BTLA: variants seen among roughly 807,000 people sequenced by gnomAD.
The protein encoded by BTLA is B- and T-lymphocyte attenuator.
Under a neutral mutation model 25.0 loss-of-function variants are expected in BTLA, and 11 were observed. That is an observed-to-expected ratio of 0.44 (90% CI 0.28 to 0.73). The LOEUF is 0.73. BTLA is among the 30% of genes least tolerant of loss of function. The pLI, the probability that BTLA is intolerant of heterozygous loss-of-function variation, is 0.15. For synonymous variants in BTLA, 104 were observed against 119.8 expected (o/e 0.87, Z 0.86); for missense variants, 282 against 332.8 (o/e 0.85, Z 1.19).
At chr3:112,492,791 G>A (rs565185461) in intron 1 of BTLA, among the ~76,000 whole-genome samples, 10 of 152,302 alleles carry the variant, frequency 6.6e-5, no homozygotes, top group African/African-American at 2.2e-4. Flanking sequence ...CAATGCCCCA[G>A]CCTCCCTTGT....
intron 2 of BTLA, among the ~76,000 whole-genome samples, chr3:112,474,726 G>A (rs1163160876): frequency 1.3e-5 from 2 of 152,208 alleles, no homozygotes; most frequent in Non-Finnish European, 2.9e-5. Context: ...GAGATTGAAA[G>A]GAGGGGTAGA....
intron 1 of BTLA, among the ~76,000 whole-genome samples, chr3:112,484,645 T>A (rs1186123546): frequency 6.6e-6 from 1 of 152,236 alleles, no homozygotes; most frequent in Non-Finnish European, 1.5e-5. Context: ...TCACTTGATG[T>A]TAGTGGCACA....
chr3:112,480,375 T>C (rs2082311684), intron 1 of BTLA, among the ~76,000 whole-genome samples: 3 of 152,212 alleles, frequency 2.0e-5, no homozygotes, highest in Non-Finnish European at 4.4e-5. Context: ...ACACAAAGCC[T>C]GTTTGGTGGT....
At position 112,499,264 on chromosome 3, in the gene BTLA, G is replaced by A. The variant is rs1363281954; in HGVS notation, c.88+7C>T. ...AAAACCAGAAATAACCTAAGCAGGT[G>A]CCTTACCATGGATGTTCCAGATGTC... On this transcript the variant is annotated splice_region_variant and intron_variant, in intron 1 of 4. Coordinates refer to ENST00000334529, the MANE Select transcript of BTLA (RefSeq NM_181780.4). The A allele has an allele frequency of 3.2e-6, 5 of 1,572,374 alleles. No individual in the cohort carries two copies. The highest frequency in any genetic ancestry group is 4.4e-6 in the Non-Finnish European group (5 of 1,142,328).
chr3:112,469,519 CCACTTAT>C (rs1325609711), intron 4 of BTLA, among the ~76,000 whole-genome samples: 116 of 150,738 alleles, frequency 7.7e-4, no homozygotes, highest in African/African-American at 2.7e-3. Flanking sequence ...TTCCAAAGAA[CCACTTAT>C]TACGAGACTT....
At chr3:112,467,235 T>C (rs1470824507) in intron 4 of BTLA, among the ~76,000 whole-genome samples, 2 of 152,172 alleles carry the variant, frequency 1.3e-5, no homozygotes, top group African/African-American at 2.4e-5. Flanking sequence ...GCGAGGATTA[T>C]AGACGTGAGC....
intron 1 of BTLA, among the ~76,000 whole-genome samples, chr3:112,492,256 G>A (rs1425399723): frequency 1.3e-5 from 2 of 152,172 alleles, no homozygotes; most frequent in African/African-American, 4.8e-5. Context: ...AATAGTAAAA[G>A]CTTCTAGTCA....
chr3:112,497,091 T>C (rs2082413392), intron 1 of BTLA, among the ~76,000 whole-genome samples: 1 of 152,374 alleles, frequency 6.6e-6, no homozygotes, highest in East Asian at 1.9e-4. Flanking sequence ...CAAAATATAT[T>C]GTACTTATTT....
intron 1 of BTLA, among the ~76,000 whole-genome samples, chr3:112,493,751 C>T (rs1419421424): frequency 2.0e-5 from 3 of 152,350 alleles, no homozygotes; most frequent in Admixed American, 6.5e-5. Flanking sequence ...ACCCGCCCTC[C>T]TCAGCTTCCT....
At chr3:112,472,351 TG>T (rs1047733312) in intron 2 of BTLA, among the ~76,000 whole-genome samples, 8 of 151,968 alleles carry the variant, frequency 5.3e-5, no homozygotes, top group South Asian at 4.2e-4. Context: ...TTGTTGTTGT[TG>T]TTTTTTTTAA....
At position 112,499,367 on chromosome 3, in the gene BTLA, C is replaced by T; in HGVS notation, c.-9G>A. ...GCAGGCAATGTCTTCATTTCCTGCACATATCAGTGATGGAAAAACTGCTCA... is the reference window on the plus strand; with the variant it reads ...GCAGGCAATGTCTTCATTTCCTGCATATATCAGTGATGGAAAAACTGCTCA... On this transcript the variant is annotated 5_prime_UTR_variant, in exon 1 of 5. It adds an upstream start codon to the 5' untranslated region. Coordinates refer to ENST00000334529, the MANE Select transcript of BTLA (RefSeq NM_181780.4). The T allele has an allele frequency of 6.2e-7, 1 of 1,611,502 alleles. No individual in the cohort carries two copies. Among genetic ancestry groups the T allele is most frequent in the African/African-American group, 1.3e-5 (1 of 74,640 alleles).
At chr3:112,478,682 A>G (rs1242279126) in intron 2 of BTLA, among the ~76,000 whole-genome samples, 1 of 152,164 alleles carries the variant, frequency 6.6e-6, no homozygotes, top group African/African-American at 2.4e-5. Flanking sequence ...GGCAAAAGCA[A>G]GGATCCATGT....
At chr3:112,473,432 T>G (rs909304916) in intron 2 of BTLA, among the ~76,000 whole-genome samples, 1 of 152,002 alleles carries the variant, frequency 6.6e-6, no homozygotes, top group African/African-American at 2.4e-5. Flanking sequence ...TCCTTAAGCA[T>G]AAGGACACAG....
chr3:112,477,661 AAC>A (rs1162964180), intron 2 of BTLA, among the ~76,000 whole-genome samples: 2 of 152,084 alleles, frequency 1.3e-5, no homozygotes, highest in African/African-American at 4.8e-5. Flanking sequence ...TAGCTAAGAA[AAC>A]ACTGCTAAAT....
rs189468208 is a variant in BTLA at position 112,464,451 on chromosome 3, T to A, written c.*1657A>T. The A allele has an allele frequency of 2.0e-4, 58 of 294,274 alleles. No individual in the cohort carries two copies. Among genetic ancestry groups the A allele is most frequent in the African/African-American group, 1.1e-3 (53 of 46,754 alleles). The allele number at this position is 294,274 out of a possible 1,614,324, so 18.2% of individuals were successfully genotyped here. ...TTCTAACATGTCTTTCTTACATAAG[T>A]TGTCCACAAATGCAGCCTGGCTAAA... On this transcript the variant is annotated 3_prime_UTR_variant, in exon 5 of 5. Coordinates refer to ENST00000334529, the MANE Select transcript of BTLA (RefSeq NM_181780.4).
At chr3:112,487,644 G>A (rs16859654) in intron 1 of BTLA, among the ~76,000 whole-genome samples, 1 of 151,944 alleles carries the variant, frequency 6.6e-6, no homozygotes, top group African/African-American at 2.4e-5. Context: ...AGACAATGGA[G>A]CCACTTGTTC....
intron 2 of BTLA, among the ~76,000 whole-genome samples, chr3:112,471,766 G>A (rs959973841): frequency 6.6e-6 from 1 of 152,178 alleles, no homozygotes; most frequent in Non-Finnish European, 1.5e-5. Flanking sequence ...GGGAACTCAA[G>A]CCAACATGTT....
chr3:112,484,884 G>A (rs551263743), intron 1 of BTLA, among the ~76,000 whole-genome samples: 78 of 152,206 alleles, frequency 5.1e-4, no homozygotes, highest in Non-Finnish European at 9.0e-4. Flanking sequence ...GGAATGAACC[G>A]ATGATGAATG....
intron 1 of BTLA, among the ~76,000 whole-genome samples, chr3:112,486,890 T>TGCTTCTTTGTCTCA (rs1199859442): frequency 1.0e-3 from 155 of 152,258 alleles, no homozygotes; most frequent in Admixed American, 0.01. Context: ...GCTCCTGTTC[T>TGCTTCTTTGTCTCA]GCTTCTTTGT....
Sources: gnomAD v4.1 joint callset for allele counts (sites outside exome capture counted in the v4.1 genomes callset) on GRCh38, gnomAD v4.1.1 for gene constraint, MANE v1.5 for transcripts, NCBI Gene and HGNC (gene_info 2026-07-23, HGNC 2026-07-21) for gene names.